The following LAMA5 variants were observed in gnomAD, a reference collection of about 807,000 sequenced individuals.
LAMA5 encodes the protein laminin subunit alpha 5.
A neutral mutation model predicts 433.4 loss-of-function variants in LAMA5; 260 were observed. That is an observed-to-expected ratio of 0.60 (90% CI 0.54 to 0.66). LAMA5 has a LOEUF of 0.66. LAMA5 is among the 30% of genes least tolerant of loss of function. The pLI, the probability that LAMA5 is intolerant of heterozygous loss-of-function variation, is 0.00. For synonymous variants in LAMA5, 2,620 were observed against 2,226.6 expected, an observed-to-expected ratio of 1.18 and a Z score of -4.97; for missense variants, 5,378 against 5,258.5, an observed-to-expected ratio of 1.02 and a Z score of -0.70.
chr20:62,364,040 C>T (rs1986450223), intron 1 of LAMA5, among the ~76,000 whole-genome samples: 1 of 152,184 alleles, frequency 6.6e-6, no homozygotes, highest in South Asian at 2.1e-4. Flanking sequence ...CCGGGGTCCC[C>T]CAGAGCTCTG....
At position 62,327,680 on chromosome 20, in the gene LAMA5, G is replaced by T. The variant is rs779525251; in HGVS notation, c.4798-11C>A. 1.9e-6 allele frequency: 3 copies of T among 1,611,686 alleles called. No homozygotes were observed. Among genetic ancestry groups the T allele is most frequent in the Non-Finnish European group, 2.5e-6 (3 of 1,178,960 alleles). On this transcript the variant is annotated splice_polypyrimidine_tract_variant and intron_variant, in intron 36 of 79. Transcript: ENST00000252999. ...GCCCTGCACGTTCTCCTAGGGATGA[G>T]AGGACAGTGAGAGTGGTCGGCAGGT...
At chr20:62,310,619 G>A in intron 75 of LAMA5, 46 bp downstream of exon 75, 2 of 1,585,220 alleles carry the variant, frequency 1.3e-6, no homozygotes, top group East Asian at 2.2e-5. Context: ...GCAGCTGAAA[G>A]GGAACAGTGG....
At position 62,320,582 on chromosome 20, in the gene LAMA5, C is replaced by CCT; in HGVS notation, c.6734_6735dup (p.Asp2246ArgfsTer6). On this transcript the variant is annotated frameshift_variant, in exon 50 of 80. Coordinates refer to ENST00000252999, the MANE Select transcript of LAMA5 (RefSeq NM_005560.6). LOFTEE classifies it high-confidence loss of function. The stretch of plus-strand genomic sequence containing the variant: ...GCCTGGCCGCCTAGCCGCCGTGCGT[C>CCT]CTGCCCGAGGCTTGTGCTCTGCTGC... The CCT allele has an allele frequency of 6.2e-7, 1 of 1,602,052 alleles. No individual in the cohort carries two copies. The highest frequency in any genetic ancestry group is 8.5e-7 in the Non-Finnish European group (1 of 1,178,300).
rs746740167 is a variant in LAMA5, at chr20:62,314,559, C to T, written c.8363G>A (p.Arg2788His). 17 of 1,606,794 alleles carry T rather than the reference C, an allele frequency of 1.1e-5. No homozygotes were observed. Among genetic ancestry groups the T allele is most frequent in the African/African-American group, 4.0e-5 (3 of 74,810 alleles). The change falls in exon 61 of 80, where the codon CGC becomes CAC. Residue 2788 changes from arginine (R) to histidine (H), a missense_variant. Arg to His is a conservative substitution (Grantham distance 29, BLOSUM62 0). Transcript: ENST00000252999. ...EDRFVMYMGS[R>H]QATGDYMGVS... is the part of the protein sequence containing the mutation. The stretch of plus-strand genomic sequence containing the variant: ...TCCACCCAGCCAGCCTGGTACCTGG[C>T]GGCTGCCCATGTACATCACAAAGCG...
In LAMA5 at chr20:62,317,652, C is replaced by A; in HGVS notation, c.7356+10G>T. On this transcript the variant is annotated intron_variant, in intron 54 of 79. Coordinates refer to ENST00000252999, the MANE Select transcript of LAMA5 (RefSeq NM_005560.6). Reference sequence around the variant, plus strand: ...ATGGGGTGGCGACAGGGGCCAGGGGCTGCACTCACCTCCTTAGCCTGGTCC... The same window carrying A: ...ATGGGGTGGCGACAGGGGCCAGGGGATGCACTCACCTCCTTAGCCTGGTCC... 1 of 1,559,144 alleles carries A rather than the reference C, an allele frequency of 6.4e-7. No individual in the cohort carries two copies. Among genetic ancestry groups the A allele is most frequent in the Non-Finnish European group, 8.7e-7 (1 of 1,151,010 alleles).
chr20:62,338,575 T>C lies in LAMA5; in HGVS notation c.1511A>G (p.Asn504Ser). The change falls in exon 12 of 80, where the codon AAC (asparagine) becomes AGC (serine). Residue 504 changes from asparagine (N) to serine (S), a missense_variant. By Grantham distance (46) the Asn-to-Ser change is conservative (BLOSUM62 1). Coordinates refer to ENST00000252999, the MANE Select transcript of LAMA5 (RefSeq NM_005560.6). ...CACCCTTGGGTCCTTCCGGCAGGCG[T>C]TGCCCTGGGTCCCTGCCGCGCTGCA... is the stretch of plus-strand genomic sequence containing the variant. ...CDCSAAGTQG[N>S]ACRKDPRVGR... 6.2e-7 allele frequency: 1 copy of C among 1,611,114 alleles called. No individual in the cohort carries two copies. The highest frequency in any genetic ancestry group is 2.2e-5 in the East Asian group (1 of 44,822).
In LAMA5 at chr20:62,351,956, C is replaced by T; in HGVS notation, c.811G>A (p.Gly271Ser). ...LRFLRTNTLL[G>S]HLMGKALRDP... is the part of the protein sequence containing the mutation. ...CGCAGCGCCTTCCCCATGAGATGGCCCAGCAGCGTGTTGGTACGCAGGAAG... is the reference window on the plus strand; with the variant it reads ...CGCAGCGCCTTCCCCATGAGATGGCTCAGCAGCGTGTTGGTACGCAGGAAG... The change falls in exon 5 of 80, where the codon GGC becomes AGC. Residue 271 changes from glycine (G) to serine (S), a missense_variant. By Grantham distance (56) the Gly-to-Ser change is moderately conservative. Coordinates refer to ENST00000252999, the MANE Select transcript of LAMA5 (RefSeq NM_005560.6). 6.2e-7 allele frequency: 1 copy of T among 1,612,266 alleles called. No individual in the cohort carries two copies. Among genetic ancestry groups the T allele is most frequent in the Non-Finnish European group, 8.5e-7 (1 of 1,179,740 alleles).
chr20:62,310,112 T>C, intron 77 of LAMA5, 31 bp from the exon 78 acceptor site: 1 of 1,610,048 alleles, frequency 6.2e-7, no homozygotes. Context: ...GGTCAGGCTA[T>C]GCCCCCGAGG....
Position 62,347,246 on chromosome 20 carries a change from GA to G in LAMA5, c.957-219del, listed in dbSNP as rs141960119. 0.075 allele frequency among the ~76,000 whole-genome samples: 11,408 copies of G among 152,272 alleles called. 506 individuals carry two copies. The highest frequency in any genetic ancestry group is 0.17 in the South Asian group (818 of 4,824). On this transcript the variant is annotated intron_variant, in intron 6 of 79. Coordinates refer to ENST00000252999, the MANE Select transcript of LAMA5 (RefSeq NM_005560.6). ...CTGACGCAACTTCCCCAGGCTCAGG[GA>G]ATGGACACAAGGAAAGAGGCGGTGG...
Position 62,312,989 on chromosome 20 carries a change from C to A in LAMA5, c.8977G>T (p.Val2993Leu). Reference protein sequence around the residue: ...KQQSQFLCLAVQEGSLVLLYD... With the variant: ...KQQSQFLCLALQEGSLVLLYD... ...AACAGCACGAGGCTGCCTTCTTGCA[C>A]GGCCAAGCACAGGAACTGGCTCTGC... The change falls in exon 66 of 80, where the codon GTG (valine) becomes TTG (leucine). Residue 2993 changes from valine to leucine, a missense_variant. Coordinates refer to ENST00000252999, the MANE Select transcript of LAMA5 (RefSeq NM_005560.6). The A allele has an allele frequency of 3.2e-6, 5 of 1,579,424 alleles. No individual in the cohort carries two copies. The highest frequency in any genetic ancestry group is 4.3e-6 in the Non-Finnish European group (5 of 1,160,568).
chr20:62,366,511 AGGTGG>A (rs1986743291), intron 1 of LAMA5, among the ~76,000 whole-genome samples: 1 of 152,160 alleles, frequency 6.6e-6, no homozygotes, highest in Non-Finnish European at 1.5e-5. Context: ...TGGGAGCCTC[AGGTGG>A]CTGGCCCCTC....
chr20:62,311,927 C>T lies in LAMA5; in HGVS notation c.9628G>A (p.Ala3210Thr). The T allele has an allele frequency of 6.2e-7, 1 of 1,610,548 alleles. No homozygotes were observed. Among genetic ancestry groups the T allele is most frequent in the East Asian group, 2.2e-5 (1 of 44,848 alleles). ...APHYVAFYSN[A>T]TGVWLYVDDQ... ...CCCAGCGGCCAGGCTCACCCCGTGG[C>T]ATTGCTGTAGAAGGCGACGTAATGG... Residue 3210 changes from alanine to threonine, a missense_variant, in exon 70 of 80, where the codon GCC becomes ACC. Physicochemically the swap from Ala to Thr is moderately conservative, Grantham distance 58. Coordinates refer to ENST00000252999, the MANE Select transcript of LAMA5 (RefSeq NM_005560.6).
chr20:62,311,967 G>A lies in LAMA5; in HGVS notation c.9588C>T (p.Phe3196=), dbSNP rs746763126. The A allele has an allele frequency of 3.3e-5, 54 of 1,612,588 alleles. No individual in the cohort carries two copies. The highest frequency in any genetic ancestry group is 3.3e-4 in the Middle Eastern group (2 of 6,080). Residue 3196 remains phenylalanine, a synonymous_variant, in exon 70 of 80, where the codon TTC becomes TTT. Transcript: ENST00000252999. ...LRTEVKTQAG[F]ADGAPHYVAF... is the part of the protein sequence containing the mutation. ...CGACGTAATGGGGGGCACCATCGGC[G>A]AAGCCCGCTTGAGTTTTCACTTCAG...
chr20:62,342,272 C>G, intron 11 of LAMA5: 1 of 350,412 alleles, frequency 2.9e-6, no homozygotes, highest in Non-Finnish European at 5.6e-6. Context: ...AACTGCACTC[C>G]AGCCTGGACG....
intron 6 of LAMA5, 114 bp downstream of exon 6, chr20:62,351,590 T>C (rs1198705472): frequency 3.3e-6 from 3 of 918,010 alleles, no homozygotes; most frequent in Non-Finnish European, 5.1e-6. Flanking sequence ...AGCAGGGTTG[T>C]GGTGGGCCAT....
intron 1 of LAMA5, among the ~76,000 whole-genome samples, chr20:62,363,696 C>A (rs548734984): frequency 6.6e-6 from 1 of 152,096 alleles, no homozygotes; most frequent in Non-Finnish European, 1.5e-5. Flanking sequence ...AGAAAGTCAG[C>A]GGCCCTACCC....
chr20:62,310,264 G>C lies in LAMA5; in HGVS notation c.10648C>G (p.Arg3550Gly). The change falls in exon 77 of 80, where the codon CGG (arginine) becomes GGG (glycine). Residue 3550 changes from arginine to glycine, a missense_variant. Physicochemically the swap from Arg to Gly is moderately radical, Grantham distance 125. Coordinates refer to ENST00000252999, the MANE Select transcript of LAMA5 (RefSeq NM_005560.6). Reference sequence around the variant, plus strand: ...ATCAGTCCGGTGACTGCCAGGGGCCGCACCTCCAGTTCCAGGCCCACATCA... The same window carrying C: ...ATCAGTCCGGTGACTGCCAGGGGCCCCACCTCCAGTTCCAGGCCCACATCA... ...LPDVGLELEV[R>G]PLAVTGLIFH... is the part of the protein sequence containing the mutation. 1 of 1,611,660 alleles carries C rather than the reference G, an allele frequency of 6.2e-7. No homozygotes were observed. The highest frequency in any genetic ancestry group is 1.1e-5 in the South Asian group (1 of 90,954).
In LAMA5 at chr20:62,316,873, G is replaced by T; in HGVS notation, c.7653+9C>A. On this transcript the variant is annotated intron_variant, in intron 56 of 79. Coordinates refer to ENST00000252999, the MANE Select transcript of LAMA5 (RefSeq NM_005560.6). ...CCTGCTGGGGCTGAGGGGAAGTGAGGGGCCTCACCGCCCACGTGTGGTCCG... is the reference window on the plus strand; with the variant it reads ...CCTGCTGGGGCTGAGGGGAAGTGAGTGGCCTCACCGCCCACGTGTGGTCCG... 2 of 1,530,282 alleles carry T rather than the reference G, an allele frequency of 1.3e-6. No homozygotes were observed. The highest frequency in any genetic ancestry group is 2.0e-4 in the Middle Eastern group (1 of 5,010). The allele number at this position is 1,530,282 out of a possible 1,614,324, so 94.8% of individuals were successfully genotyped here.
At chr20:62,353,541 T>A (rs1984699102) in intron 2 of LAMA5, among the ~76,000 whole-genome samples, 2 of 152,122 alleles carry the variant, frequency 1.3e-5, no homozygotes, top group African/African-American at 4.8e-5. Context: ...AGTTTGGGGT[T>A]CCCCCATGGT....
Sources: allele counts gnomAD v4.1 joint callset (sites outside exome capture counted in the v4.1 genomes callset), GRCh38; gene constraint gnomAD v4.1.1; transcripts MANE v1.5; gene names NCBI Gene and HGNC (gene_info 2026-07-23, HGNC 2026-07-21).